MYO16: variants seen among roughly 807,000 people sequenced by gnomAD.
MYO16 encodes unconventional myosin-XVI.
MYO16 carries 94 observed loss-of-function variants against 205.3 expected under a neutral mutation model. That is an observed-to-expected ratio of 0.46 (90% CI 0.39 to 0.54). The LOEUF (loss-of-function observed/expected upper bound fraction) is 0.54, where lower values mean the gene tolerates loss of function less well. MYO16 is among the 20% of genes least tolerant of loss of function. The pLI is 0.00. For missense variants in MYO16, 2,315 were observed against 2,387.5 expected, an observed-to-expected ratio of 0.97 and a Z score of 0.63; for synonymous variants, 988 against 954.0, an observed-to-expected ratio of 1.04 and a Z score of -0.66.
chr13:108,729,373 A>G (rs981925247), intron 4 of MYO16, among the ~76,000 whole-genome samples: 23 of 152,322 alleles, frequency 1.5e-4, no homozygotes, highest in East Asian at 3.9e-4. Context: ...CAGCTGGGTC[A>G]TTTAAGGAGG....
At chr13:108,609,176 T>C (rs1879079331) in intron 1 of MYO16, among the ~76,000 whole-genome samples, 1 of 152,156 alleles carries the variant, frequency 6.6e-6, no homozygotes, top group Admixed American at 6.5e-5. Context: ...AGTTTCCTCC[T>C]CATTCTTCTC....
chr13:108,665,358 T>C (rs9587651), intron 1 of MYO16, among the ~76,000 whole-genome samples: 49,087 of 151,998 alleles, frequency 0.32, 8,263 homozygotes, highest in African/African-American at 0.41. Context: ...GTGATCCTCC[T>C]GTCTCAGCCT....
intron 2 of MYO16, among the ~76,000 whole-genome samples, chr13:108,675,738 G>C (rs1006721915): frequency 1.3e-5 from 2 of 152,210 alleles, no homozygotes; most frequent in East Asian, 3.8e-4. Context: ...TCAATAGCGT[G>C]AGAGCAGCGA....
chr13:109,170,878 C>T (rs867122894), intron 33 of MYO16, among the ~76,000 whole-genome samples: 1 of 152,290 alleles, frequency 6.6e-6, no homozygotes, highest in South Asian at 2.1e-4. Flanking sequence ...ACACAGATTT[C>T]TGTGTTCTCC....
the MYO16 span, among the ~76,000 whole-genome samples, chr13:108,496,546 C>CG: frequency 9.9e-5 from 15 of 152,200 alleles, no homozygotes; most frequent in Non-Finnish European, 1.8e-4. Flanking sequence ...CAGTCTCACC[C>CG]GGGGGGCGTC....
chr13:108,595,122 T>C (rs937363682), upstream of MYO16, among the ~76,000 whole-genome samples: 3 of 152,220 alleles, frequency 2.0e-5, no homozygotes, highest in Non-Finnish European at 4.4e-5. Flanking sequence ...AATGTCAAAA[T>C]CTTGACTTCT....
rs1239884018 is a variant in MYO16, at chr13:109,162,492, C to T, written c.5165-2409C>T. Among the ~76,000 whole-genome samples, 1 of 152,178 alleles carries T rather than the reference C, an allele frequency of 6.6e-6. No homozygotes were observed. Among genetic ancestry groups the T allele is most frequent in the Non-Finnish European group, 1.5e-5 (1 of 68,040 alleles). The stretch of plus-strand genomic sequence containing the variant: ...TGTGGAGGTTGCCTTTCTAAAATCA[C>T]GAGCTGAAATGCAACCTCATGGACC... On this transcript the variant is annotated intron_variant, in intron 32 of 34. Transcript: ENST00000457511. The surrounding 1 kb of genome is among the most constrained non-coding windows in gnomAD (Gnocchi z 4.6).
At chr13:108,549,928 G>A in the MYO16 span, among the ~76,000 whole-genome samples, 5 of 152,184 alleles carry the variant, frequency 3.3e-5, no homozygotes, top group Non-Finnish European at 5.9e-5. Flanking sequence ...CTGAACTTTG[G>A]TGCAGACTTT....
chr13:108,728,383 A>AT (rs1049797965), intron 4 of MYO16, among the ~76,000 whole-genome samples: 1 of 152,096 alleles, frequency 6.6e-6, no homozygotes, highest in African/African-American at 2.4e-5. Context: ...TCAGAAGTCC[A>AT]TTTTTTGTCA....
At chr13:108,659,068 T>G (rs1004765215) in intron 1 of MYO16, among the ~76,000 whole-genome samples, 3 of 151,582 alleles carry the variant, frequency 2.0e-5, no homozygotes, top group Admixed American at 2.0e-4. Context: ...ATTCTTTTTT[T>G]TTTTAGTTCA....
rs1049229909 is a variant in MYO16, at chr13:109,066,889, C to T, written c.3335+11294C>T. Among the ~76,000 whole-genome samples the T allele has an allele frequency of 7.2e-5, 11 of 152,124 alleles. No individual in the cohort carries two copies. The East Asian group carries it at 9.6e-4, about 13-fold the overall frequency. On this transcript the variant is annotated intron_variant, in intron 27 of 34. Coordinates refer to ENST00000457511, the MANE Select transcript of MYO16 (RefSeq NM_001198950.3). The stretch of plus-strand genomic sequence containing the variant: ...GGGGAAGATTTTTTAGAAAAACGGA[C>T]GATTTGAAAGGCAACTTGGCTGTTT...
intron 13 of MYO16, among the ~76,000 whole-genome samples, chr13:108,883,605 T>G (rs1378332170): frequency 1.3e-5 from 2 of 152,046 alleles, no homozygotes; most frequent in East Asian, 3.9e-4. Context: ...TATTTACCTT[T>G]GCTCACAATT....
intron 16 of MYO16, among the ~76,000 whole-genome samples, chr13:108,914,909 CTGGGATCACAAGCA>C (rs1881420894): frequency 6.6e-6 from 1 of 152,188 alleles, no homozygotes; most frequent in African/African-American, 2.4e-5. Context: ...TCCCAAAGTG[CTGGGATCACAAGCA>C]TGAACCACTG....
intron 27 of MYO16, among the ~76,000 whole-genome samples, chr13:109,068,816 C>T (rs1423088166): frequency 2.0e-5 from 3 of 152,160 alleles, no homozygotes; most frequent in Non-Finnish European, 4.4e-5. Flanking sequence ...GTCTCAAACT[C>T]CTGACCTCAG....
intron 34 of MYO16, among the ~76,000 whole-genome samples, chr13:109,184,287 C>T (rs992705516): frequency 2.4e-4 from 36 of 152,212 alleles, no homozygotes; most frequent in African/African-American, 8.7e-4. Flanking sequence ...TCCGTACTCA[C>T]CACTCGTGAC....
chr13:108,637,891 T>C (rs1251494593), intron 1 of MYO16, among the ~76,000 whole-genome samples: 1 of 151,884 alleles, frequency 6.6e-6, no homozygotes, highest in Non-Finnish European at 1.5e-5. Flanking sequence ...ATTAATTAAT[T>C]AAAAATAAAG....
chr13:108,665,173 ACTC>A (rs1180506813), intron 1 of MYO16, among the ~76,000 whole-genome samples: 1 of 151,792 alleles, frequency 6.6e-6, no homozygotes, highest in Non-Finnish European at 1.5e-5. Flanking sequence ...GCAACCTTAA[ACTC>A]CTGGGCTTAT....
chr13:108,538,375 T>C, the MYO16 span, among the ~76,000 whole-genome samples: 1 of 152,090 alleles, frequency 6.6e-6, no homozygotes, highest in East Asian at 1.9e-4. Context: ...TTAAACAAGG[T>C]AAGTGAGCAA....
chr13:108,739,180 G>T (rs1212436533), intron 4 of MYO16, among the ~76,000 whole-genome samples: 1 of 152,160 alleles, frequency 6.6e-6, no homozygotes, highest in East Asian at 1.9e-4. Flanking sequence ...CTGTCATTAT[G>T]ATGTTAGCTG....
Sources: gnomAD v4.1 joint callset for allele counts (sites outside exome capture counted in the v4.1 genomes callset) on GRCh38, gnomAD v4.1.1 for gene constraint, Gnocchi (gnomAD v3.1) non-coding constraint, MANE v1.5 for transcripts, NCBI Gene and HGNC (gene_info 2026-07-23, HGNC 2026-07-21) for gene names.